Variants in DNAH1 observed in about 807,000 individuals in gnomAD.
The protein encoded by DNAH1 is dynein axonemal heavy chain 1.
In DNAH1, 327 loss-of-function variants were observed where a neutral mutation model predicts 484.3. That is an observed-to-expected ratio of 0.68 (90% CI 0.62 to 0.74). The LOEUF (loss-of-function observed/expected upper bound fraction) is 0.74, where lower values mean the gene tolerates loss of function less well. Ranked by LOEUF, DNAH1 falls within the 30% of genes least tolerant of loss-of-function variation. The pLI, the probability that DNAH1 is intolerant of heterozygous loss-of-function variation, is 0.00. For missense variants in DNAH1, 5,052 were observed against 5,546.8 expected, an observed-to-expected ratio of 0.91 and a Z score of 2.83; for synonymous variants, 2,192 against 2,191.9, an observed-to-expected ratio of 1.00 and a Z score of 0.00.
chr3:52,383,566 A>G lies in DNAH1; in HGVS notation c.8122A>G (p.Ser2708Gly), dbSNP rs754745938. The G allele has an allele frequency of 6.9e-6, 11 of 1,603,214 alleles. No individual in the cohort carries two copies. The South Asian group carries it at 1.2e-4, about 18-fold the overall frequency. Reference sequence around the variant, plus strand: ...GGCTGCTTACACAGGGCGTGTGCGCAGCAACATCCACATGGTGCTGTGCAT... The same window carrying G: ...GGCTGCTTACACAGGGCGTGTGCGCGGCAACATCCACATGGTGCTGTGCAT... Reference protein sequence around the residue: ...LMAAYTGRVRSNIHMVLCMSP... With the variant: ...LMAAYTGRVRGNIHMVLCMSP... Residue 2708 changes from serine to glycine, a missense_variant, in exon 51 of 78, where the codon AGC (serine) becomes GGC (glycine). By Grantham distance (56) the Ser-to-Gly change is moderately conservative (BLOSUM62 0). This residue lies in a region of DNAH1 where 2,929 missense variants were observed against 3,409.4 expected (regional missense o/e 0.86). Coordinates refer to ENST00000420323, the MANE Select transcript of DNAH1 (RefSeq NM_015512.5).
chr3:52,311,977 G>A (rs1312146286), upstream of DNAH1, among the ~76,000 whole-genome samples: 2 of 151,998 alleles, frequency 1.3e-5, no homozygotes, highest in Non-Finnish European at 2.9e-5. Context: ...GCTGACCACC[G>A]CCCCCCCAAC....
At chr3:52,329,808 G>T (rs565077254) in intron 6 of DNAH1, among the ~76,000 whole-genome samples, 1 of 150,178 alleles carries the variant, frequency 6.7e-6, no homozygotes, top group African/African-American at 2.5e-5. Context: ...CTGGGCAACA[G>T]AGTGAGACTC....
intron 14 of DNAH1, 138 bp from the exon 15 acceptor site, chr3:52,349,851 C>A: frequency 7.6e-7 from 1 of 1,315,498 alleles, no homozygotes; most frequent in Non-Finnish European, 1.0e-6. Context: ...GAGCACCCCT[C>A]TTGGAAAGCG....
Position 52,332,405 on chromosome 3 carries a change from G to T in DNAH1, c.1286+11G>T, listed in dbSNP as rs115799675. The stretch of plus-strand genomic sequence containing the variant: ...GCGCAAAGGCCCCTCGTGAGTCCCC[G>T]CTCGGCCTTCCCTATTCTGGGCATC... On this transcript the variant is annotated intron_variant, in intron 8 of 77. Coordinates refer to ENST00000420323, the MANE Select transcript of DNAH1 (RefSeq NM_015512.5). The T allele has an allele frequency of 1.9e-5, 31 of 1,609,420 alleles. No homozygotes were observed. The highest frequency in any genetic ancestry group is 1.6e-4 in the Middle Eastern group (1 of 6,072).
intron 8 of DNAH1, among the ~76,000 whole-genome samples, chr3:52,337,919 T>C (rs1252104360): frequency 6.6e-6 from 1 of 152,178 alleles, no homozygotes; most frequent in Non-Finnish European, 1.5e-5. Flanking sequence ...TTCAGCCTCC[T>C]GAGTAGCTGG....
Position 52,349,432 on chromosome 3 carries a change from C to T in DNAH1, c.2526+12C>T, listed in dbSNP as rs2153223917. 2 of 1,610,996 alleles carry T rather than the reference C, an allele frequency of 1.2e-6. No homozygotes were observed. Among genetic ancestry groups the T allele is most frequent in the Non-Finnish European group, 1.7e-6 (2 of 1,177,792 alleles). On this transcript the variant is annotated intron_variant, in intron 14 of 77. Coordinates refer to ENST00000420323, the MANE Select transcript of DNAH1 (RefSeq NM_015512.5). Reference sequence around the variant, plus strand: ...AGGAGGTGGATAGCGTAAGTGCCCACCTGCCCCGCCTCAGTGACCACAGCA... The same window carrying T: ...AGGAGGTGGATAGCGTAAGTGCCCATCTGCCCCGCCTCAGTGACCACAGCA...
intron 32 of DNAH1, 110 bp downstream of exon 32, chr3:52,363,254 A>T: frequency 5.7e-6 from 8 of 1,406,020 alleles, no homozygotes; most frequent in Non-Finnish European, 7.7e-6. Flanking sequence ...TACAGGCATT[A>T]CCTTGTCGGC....
Position 52,380,012 on chromosome 3 carries a change from C to G in DNAH1, c.7485C>G (p.Arg2495=). Residue 2495 remains arginine (R), a synonymous_variant, in exon 48 of 78, where the codon CGC becomes CGG. Coordinates refer to ENST00000420323, the MANE Select transcript of DNAH1 (RefSeq NM_015512.5). ...GCTGGTTCGACCAGCTCCTCAAGCG[C>G]TGCATGGAGCAGTGGGAGGTGACCT... ...DRSWFDQLLK[R]CMEQWEVTFN... The G allele has an allele frequency of 1.9e-6, 3 of 1,594,576 alleles. No homozygotes were observed. The highest frequency in any genetic ancestry group is 2.6e-6 in the Non-Finnish European group (3 of 1,170,682).
In DNAH1 at chr3:52,333,368, CCTTTT is replaced by C. The variant is rs1230646968; in HGVS notation, c.1286+984_1286+988del. On this transcript the variant is annotated intron_variant, in intron 8 of 77. Coordinates refer to ENST00000420323, the MANE Select transcript of DNAH1 (RefSeq NM_015512.5). The stretch of plus-strand genomic sequence containing the variant: ...ACCATTTTTCTTTTTCTTTTCTTTT[CCTTTT>C]CTTTTCTTTCTTTCTTTCTTTTTTT... Among the ~76,000 whole-genome samples, 4 of 150,636 alleles carry C rather than the reference CCTTTT, an allele frequency of 2.7e-5. No individual in the cohort carries two copies. The East Asian group carries it at 5.8e-4, about 22-fold the overall frequency.
chr3:52,312,642 C>T (rs980957599), upstream of DNAH1, among the ~76,000 whole-genome samples: 2 of 150,882 alleles, frequency 1.3e-5, no homozygotes, highest in Non-Finnish European at 3.0e-5. Context: ...GGCTAATTTT[C>T]GTATTTGTTT....
rs746062613 is a variant in DNAH1, at chr3:52,392,833, A to G, written c.10282A>G (p.Lys3428Glu). The change falls in exon 65 of 78, where the codon AAA becomes GAA. Residue 3428 changes from lysine (K) to glutamate (E), a missense_variant. Physicochemically the swap from Lys to Glu is moderately conservative, Grantham distance 56. This residue lies in a region of DNAH1 where 2,929 missense variants were observed against 3,409.4 expected (regional missense o/e 0.86). Coordinates refer to ENST00000420323, the MANE Select transcript of DNAH1 (RefSeq NM_015512.5). ...SKMKAAEIQA[K>E]VRIAEQTEKD... ...CCCCCACCCACTACACCCACAGGCC[A>G]AAGTCAGGATTGCAGAGCAGACGGA... 2.6e-6 allele frequency: 3 copies of G among 1,138,912 alleles called. No individual in the cohort carries two copies. Among genetic ancestry groups the G allele is most frequent in the East Asian group, 3.9e-5 (1 of 25,590 alleles). The allele number at this position is 1,138,912 out of a possible 1,614,324, so 70.6% of individuals were successfully genotyped here.
intron 8 of DNAH1, among the ~76,000 whole-genome samples, chr3:52,341,732 A>G (rs1322197077): frequency 4.6e-5 from 7 of 151,956 alleles, no homozygotes; most frequent in Non-Finnish European, 1.0e-4. Flanking sequence ...GGACTAGCTG[A>G]GATGTACCCC....
At position 52,396,795 on chromosome 3, in the gene DNAH1, A is replaced by C; in HGVS notation, c.11608A>C (p.Lys3870Gln). ...FLDEYDDIPYKVLKYTAGEIN... is the reference protein window; with the variant it reads ...FLDEYDDIPYQVLKYTAGEIN... ...GGACGAATATGATGACATCCCCTAC[A>C]AGGTGGGCCTGGGGCAGACTGGGGC... Residue 3870 changes from lysine (K) to glutamine (Q), a missense_variant and splice_region_variant, in exon 72 of 78, where the codon AAG (lysine) becomes CAG (glutamine). Transcript: ENST00000420323. 6.2e-7 allele frequency: 1 copy of C among 1,613,280 alleles called. No individual in the cohort carries two copies. The highest frequency in any genetic ancestry group is 1.7e-5 in the Admixed American group (1 of 60,012).
Position 52,386,316 on chromosome 3 carries a change from C to G in DNAH1, c.8782C>G (p.Arg2928Gly), listed in dbSNP as rs772814823. 1.4e-5 allele frequency: 23 copies of G among 1,592,374 alleles called. No individual in the cohort carries two copies. The highest frequency in any genetic ancestry group is 2.0e-5 in the Non-Finnish European group (23 of 1,170,052). Residue 2928 changes from arginine (R) to glycine (G), a missense_variant, in exon 55 of 78, where the codon CGC becomes GGC. By Grantham distance (125) the Arg-to-Gly change is moderately radical. Transcript: ENST00000420323. ...PALDAALASL[R>G]NLNKNDVTEV... ...CCTGGATGCGGCTCTGGCCAGCCTGCGCAACCTCAACAAGAACGATGTGAC... is the reference window on the plus strand; with the variant it reads ...CCTGGATGCGGCTCTGGCCAGCCTGGGCAACCTCAACAAGAACGATGTGAC...
rs890003334 is a variant in DNAH1 at position 52,371,878 on chromosome 3, T to TG, written c.6526-64dup. 1.9e-6 allele frequency: 3 copies of TG among 1,580,436 alleles called. No homozygotes were observed. The African/African-American group carries it at 4.0e-5, about 21-fold the overall frequency. ...CTCCTGGCCCTTCTGCACTTGGCCATGGGGCCGCAGCCAGGAGTGGGGCAG... is the reference window on the plus strand; with the variant it reads ...CTCCTGGCCCTTCTGCACTTGGCCATGGGGGCCGCAGCCAGGAGTGGGGCAG... On this transcript the variant is annotated intron_variant, in intron 41 of 77. Coordinates refer to ENST00000420323, the MANE Select transcript of DNAH1 (RefSeq NM_015512.5).
intron 21 of DNAH1, among the ~76,000 whole-genome samples, chr3:52,356,306 C>T (rs963876246): frequency 2.6e-5 from 4 of 152,216 alleles, no homozygotes; most frequent in African/African-American, 4.8e-5. Context: ...TTTCCTGTCA[C>T]TGCAGGCTTT....
chr3:52,323,901 T>A (rs1044232161), intron 3 of DNAH1, 21 bp downstream of exon 3: 5 of 1,552,106 alleles, frequency 3.2e-6, no homozygotes, highest in Non-Finnish European at 4.4e-6. Context: ...AGGAGGGCTG[T>A]GTGAGTGGGT....
rs1343060224 is a variant in DNAH1, at chr3:52,327,942, G to T, written c.799G>T (p.Glu267Ter). ...CAGAGAGTGGATCAACATGGGCTTG[G>T]AGCCAGGGTCTCTGGACAGGAAACC... ...TPREWINMGL[E>*]PGSLDRKPVP... Residue 267 changes from glutamate (E) to a stop codon, truncating the protein, a stop_gained, in exon 6 of 78, where the codon GAG becomes TAG. Transcript: ENST00000420323. LOFTEE classifies it high-confidence loss of function. The T allele has an allele frequency of 3.1e-6, 5 of 1,613,978 alleles. No individual in the cohort carries two copies. Among genetic ancestry groups the T allele is most frequent in the Non-Finnish European group, 4.2e-6 (5 of 1,179,848 alleles).
chr3:52,320,894 G>A (rs773179418), intron 1 of DNAH1, among the ~76,000 whole-genome samples: 6 of 148,630 alleles, frequency 4.0e-5, no homozygotes, highest in Non-Finnish European at 8.9e-5. Flanking sequence ...TCTGTCTCCC[G>A]GGTTCAAGCG....
Sources: gnomAD v4.1 joint callset for allele counts (sites outside exome capture counted in the v4.1 genomes callset) on GRCh38, gnomAD v4.1.1 for gene constraint, gnomAD v4.1.1 regional missense constraint, MANE v1.5 for transcripts, NCBI Gene and HGNC (gene_info 2026-07-23, HGNC 2026-07-21) for gene names.